SYNE2: variants seen among roughly 807,000 people sequenced by gnomAD.
SYNE2 encodes the protein spectrin repeat containing nuclear envelope protein 2, also known as nesprin-2.
SYNE2 carries 431 observed loss-of-function variants against 856.3 expected under a neutral mutation model. The observed-to-expected ratio is 0.50, with a 90% CI of 0.47 to 0.55. The LOEUF is 0.55. Among genes scored for constraint, SYNE2 ranks in the 20% least tolerant of loss-of-function variants. The probability of loss-of-function intolerance (pLI) is 0.00; values close to 1 mark genes in which losing one functional copy is unlikely to be tolerated. For missense variants in SYNE2, 8,129 were observed against 8,023.2 expected (o/e 1.01, Z -0.50); for synonymous variants, 2,923 against 2,872.3 (o/e 1.02, Z -0.56).
intron 2 of SYNE2, among the ~76,000 whole-genome samples, chr14:63,925,330 A>T (rs189470561): frequency 1.8e-3 from 273 of 152,298 alleles, no homozygotes; most frequent in African/African-American, 6.0e-3. Flanking sequence ...CAAACAAAAC[A>T]AAACTAAACT....
intron 1 of SYNE2, among the ~76,000 whole-genome samples, chr14:63,794,711 A>G (rs756203291): frequency 3.9e-5 from 6 of 152,216 alleles, no homozygotes; most frequent in African/African-American, 1.2e-4. Context: ...CAATAAAAAT[A>G]TAACTACACA....
intron 51 of SYNE2, among the ~76,000 whole-genome samples, chr14:64,067,359 A>G (rs1454775063): frequency 6.6e-6 from 1 of 152,234 alleles, no homozygotes; most frequent in Non-Finnish European, 1.5e-5. Context: ...AGTGAGACTG[A>G]GTAACTTGCT....
intron 1 of SYNE2, among the ~76,000 whole-genome samples, chr14:63,901,616 AC>A (rs2095337973): frequency 6.6e-6 from 1 of 152,210 alleles, no homozygotes; most frequent in Non-Finnish European, 1.5e-5. Flanking sequence ...GCATAAGCAA[AC>A]CACAGTCATT....
At chr14:64,000,258 T>G (rs139041703) in intron 27 of SYNE2, among the ~76,000 whole-genome samples, 1 of 152,226 alleles carries the variant, frequency 6.6e-6, no homozygotes, top group Non-Finnish European at 1.5e-5. Flanking sequence ...TGTTCTTACA[T>G]GTATGTATTT....
At chr14:64,030,216 C>T (rs948138090) in intron 44 of SYNE2, among the ~76,000 whole-genome samples, 157 bp downstream of exon 44, 1 of 152,198 alleles carries the variant, frequency 6.6e-6, no homozygotes, top group South Asian at 2.1e-4. Flanking sequence ...TGAGAATGTC[C>T]TTCTTTAGTG....
At chr14:64,204,669 C>T (rs1039262122) in intron 100 of SYNE2, among the ~76,000 whole-genome samples, 3 of 151,888 alleles carry the variant, frequency 2.0e-5, no homozygotes, top group Non-Finnish European at 4.4e-5. Flanking sequence ...ACCTTAGTGA[C>T]ATTTCTATCC....
chr14:64,224,685 C>CA (rs2098710338), intron 114 of SYNE2, 138 bp downstream of exon 114: 3 of 948,106 alleles, frequency 3.2e-6, no homozygotes, highest in South Asian at 2.8e-5. Flanking sequence ...GAGAGGCTTA[C>CA]AGTCTGCCTC....
In SYNE2 at chr14:63,811,756, G is replaced by A. The variant is rs1195566216; in HGVS notation, c.-304-40745G>A. ...CCGGGGGTGACATCACATATCAGTA[G>A]GACCATAATGCCCCCCTGAGCCACA... On this transcript the variant is annotated intron_variant, in intron 1 of 23. Transcript: ENST00000674003. Among the ~76,000 whole-genome samples, 6 of 152,060 alleles carry A rather than the reference G, an allele frequency of 3.9e-5. No homozygotes were observed. In the East Asian group the frequency reaches 1.2e-3, roughly 29 times the overall value.
At chr14:64,110,588 A>AACCCC (rs2097797632) in intron 65 of SYNE2, among the ~76,000 whole-genome samples, 2 of 75,386 alleles carry the variant, frequency 2.7e-5, no homozygotes, top group African/African-American at 1.1e-4. Context: ...TACTTTTTAC[A>AACCCC]CCCCCCCCCC....
chr14:64,071,801 G>C (rs905961636), intron 52 of SYNE2, among the ~76,000 whole-genome samples: 1 of 152,098 alleles, frequency 6.6e-6, no homozygotes, highest in Non-Finnish European at 1.5e-5. Flanking sequence ...TGGATCACCT[G>C]AGGTCAGGAG....
intron 2 of SYNE2, among the ~76,000 whole-genome samples, chr14:63,939,554 T>C (rs1156923778): frequency 6.6e-6 from 1 of 151,634 alleles, no homozygotes; most frequent in African/African-American, 2.4e-5. Flanking sequence ...CCCCATGTTG[T>C]CCAGGCTGGT....
At chr14:64,017,166 T>C (rs2096898387) in intron 33 of SYNE2, among the ~76,000 whole-genome samples, 1 of 151,726 alleles carries the variant, frequency 6.6e-6, no homozygotes. Context: ...CTGTCTCTAC[T>C]AAAAATACAA....
intron 1 of SYNE2, among the ~76,000 whole-genome samples, chr14:63,781,515 C>A (rs1344743326): frequency 6.6e-6 from 1 of 150,872 alleles, no homozygotes; most frequent in Non-Finnish European, 1.5e-5. Context: ...GACGGAGTCT[C>A]GCTCTGTCGC....
At chr14:64,062,980 G>T in intron 50 of SYNE2, 85 bp downstream of exon 50, 1 of 1,480,868 alleles carries the variant, frequency 6.8e-7, no homozygotes, top group Non-Finnish European at 9.4e-7. Context: ...ATGTGGTCCT[G>T]TTAAGACGCG....
intron 1 of SYNE2, among the ~76,000 whole-genome samples, chr14:63,838,211 A>T (rs915256693): frequency 2.0e-5 from 3 of 152,126 alleles, no homozygotes; most frequent in South Asian, 2.1e-4. Context: ...TCTACTAAAA[A>T]TACAAAAATT....
In SYNE2 at chr14:64,052,056, A is replaced by G; in HGVS notation, c.8143A>G (p.Thr2715Ala). The part of the protein sequence containing the change: ...GINNLKKQWE[T>A]LEPLHLEAEN... The stretch of plus-strand genomic sequence containing the variant: ...AAATAACTTGAAGAAACAATGGGAA[A>G]CATTGGAGCCATTACACTTAGAAGC... The change falls in exon 48 of 116, where the codon ACA becomes GCA. Residue 2715 changes from threonine (T) to alanine (A), a missense_variant. Thr to Ala is a moderately conservative substitution (Grantham distance 58, BLOSUM62 0). Coordinates refer to ENST00000555002, the MANE Select transcript of SYNE2 (RefSeq NM_182914.3). The G allele has an allele frequency of 1.2e-6, 2 of 1,614,076 alleles. No individual in the cohort carries two copies. The highest frequency in any genetic ancestry group is 1.7e-6 in the Non-Finnish European group (2 of 1,180,030).
At chr14:64,124,721 G>C (rs1350592495) in intron 70 of SYNE2, among the ~76,000 whole-genome samples, 1 of 152,136 alleles carries the variant, frequency 6.6e-6, no homozygotes, top group African/African-American at 2.4e-5. Flanking sequence ...AATATCAGCA[G>C]GCTGGACATG....
chr14:63,909,441 A>G (rs1239139054), intron 2 of SYNE2, among the ~76,000 whole-genome samples: 2 of 152,110 alleles, frequency 1.3e-5, no homozygotes, highest in African/African-American at 4.8e-5. Flanking sequence ...TGCTATCTCC[A>G]GTTTCTTACT....
Position 63,955,933 on chromosome 14 carries a change from A to G in SYNE2, c.787+1018A>G, listed in dbSNP as rs372562864. Among the ~76,000 whole-genome samples, 230 of 152,364 alleles carry G rather than the reference A, an allele frequency of 1.5e-3. 7 individuals carry two copies. In the South Asian group the frequency reaches 0.046, roughly 30 times the overall value. ...CTTTATGTTAATAAGTAAGTGTAAT[A>G]AGAGGTATATCAGAACTTCATATGT... is the stretch of plus-strand genomic sequence containing the variant. On this transcript the variant is annotated intron_variant, in intron 8 of 115. Coordinates refer to ENST00000555002, the MANE Select transcript of SYNE2 (RefSeq NM_182914.3).
Sources: allele counts gnomAD v4.1 joint callset (sites outside exome capture counted in the v4.1 genomes callset), GRCh38; gene constraint gnomAD v4.1.1; transcripts MANE v1.5; gene names NCBI Gene and HGNC (gene_info 2026-07-23, HGNC 2026-07-21).